TSHZ2: variants seen among roughly 807,000 people sequenced by gnomAD.
TSHZ2 encodes teashirt zinc finger homeobox 2.
TSHZ2 carries 21 observed loss-of-function variants against 74.4 expected under a neutral mutation model. That is an observed-to-expected ratio of 0.28 (90% CI 0.20 to 0.41). TSHZ2 has a LOEUF of 0.41. Among genes scored for constraint, TSHZ2 ranks in the 10% least tolerant of loss-of-function variants. The pLI, the probability that TSHZ2 is intolerant of heterozygous loss-of-function variation, is 1.00. For synonymous variants in TSHZ2, 540 were observed against 515.3 expected, an observed-to-expected ratio of 1.05 and a Z score of -0.65; for missense variants, 1,244 against 1,293.5, an observed-to-expected ratio of 0.96 and a Z score of 0.59.
chr20:53,462,458 C>A (rs775321977), intron 2 of TSHZ2, among the ~76,000 whole-genome samples: 2 of 152,170 alleles, frequency 1.3e-5, no homozygotes, highest in Admixed American at 6.5e-5. Flanking sequence ...CTGGCCTCCA[C>A]GCTGTTGGTC....
intron 1 of TSHZ2, among the ~76,000 whole-genome samples, chr20:53,009,215 G>A (rs1415319998): frequency 3.9e-5 from 6 of 152,068 alleles, no homozygotes; most frequent in Admixed American, 1.3e-4. Context: ...GCATGTGCCT[G>A]TGATCCCAGC....
chr20:53,182,268 C>A (rs912708826), intron 1 of TSHZ2, among the ~76,000 whole-genome samples: 1 of 151,494 alleles, frequency 6.6e-6, no homozygotes, highest in African/African-American at 2.4e-5. Flanking sequence ...TTCTCTCCTT[C>A]TTCCCTCCCT....
At chr20:53,379,846 C>G (rs1237937605) in intron 2 of TSHZ2, among the ~76,000 whole-genome samples, 2 of 152,174 alleles carry the variant, frequency 1.3e-5, no homozygotes, top group Non-Finnish European at 2.9e-5. Context: ...AACCCTCTTT[C>G]TTCCAAAGAC....
chr20:53,114,448 T>C (rs1986616337), intron 1 of TSHZ2, among the ~76,000 whole-genome samples: 1 of 152,026 alleles, frequency 6.6e-6, no homozygotes, highest in Non-Finnish European at 1.5e-5. Flanking sequence ...CGATATGTCA[T>C]GAAGAAGAAA....
At chr20:53,134,575 C>G (rs1335865460) in intron 1 of TSHZ2, among the ~76,000 whole-genome samples, 1 of 152,070 alleles carries the variant, frequency 6.6e-6, no homozygotes, top group East Asian at 1.9e-4. Flanking sequence ...CTGTGTCTTC[C>G]GAAGGAGATG....
intron 1 of TSHZ2, among the ~76,000 whole-genome samples, chr20:53,156,966 G>C (rs1381864338): frequency 6.6e-6 from 1 of 152,172 alleles, no homozygotes; most frequent in Non-Finnish European, 1.5e-5. Context: ...AAGGTGCAGA[G>C]CTTTATTAAG....
chr20:53,107,085 AG>A (rs1986398829), intron 1 of TSHZ2, among the ~76,000 whole-genome samples: 2 of 152,108 alleles, frequency 1.3e-5, no homozygotes, highest in South Asian at 4.2e-4. Context: ...AGTTCACTGT[AG>A]GGTCCTGGTG....
At chr20:53,323,170 G>A (rs1429973609) in intron 2 of TSHZ2, among the ~76,000 whole-genome samples, 1 of 152,190 alleles carries the variant, frequency 6.6e-6, no homozygotes, top group Non-Finnish European at 1.5e-5. Flanking sequence ...AGTGCTGTGA[G>A]TCCAGGTGTG....
chr20:53,218,783 G>A (rs1438252515), intron 1 of TSHZ2, among the ~76,000 whole-genome samples: 1 of 152,194 alleles, frequency 6.6e-6, no homozygotes, highest in East Asian at 1.9e-4. Flanking sequence ...AAATAAGAGA[G>A]AGCATCTTTC....
chr20:53,148,578 A>G (rs1987598291), intron 1 of TSHZ2, among the ~76,000 whole-genome samples: 1 of 152,184 alleles, frequency 6.6e-6, no homozygotes, highest in African/African-American at 2.4e-5. Context: ...CAGGACCCCA[A>G]GTGGATCTAA....
chr20:53,277,387 A>G (rs935355998), intron 2 of TSHZ2, among the ~76,000 whole-genome samples: 1 of 152,154 alleles, frequency 6.6e-6, no homozygotes, highest in Non-Finnish European at 1.5e-5. Context: ...TGAAGTTGCC[A>G]TCCTATTGTT....
At position 53,286,886 on chromosome 20, in the gene TSHZ2, TACACACACACACAC is replaced by T. The variant is rs71194467; in HGVS notation, c.*8+30342_*8+30355del. ...ACAGAGCAAGACCCTGTCTCAAAAA[TACACACACACACAC>T]ACACACACACACACACACACACACA... On this transcript the variant is annotated intron_variant, in intron 2 of 2. Transcript: ENST00000371497. 4.9e-4 allele frequency among the ~76,000 whole-genome samples: 69 copies of T among 139,534 alleles called. No homozygotes were observed. In the East Asian group the frequency reaches 9.9e-3, roughly 20 times the overall value. The allele number at this position is 139,534 out of a possible 152,430, so 91.5% of individuals were successfully genotyped here. A position where few individuals can be genotyped will look rare whatever the true frequency, so the allele number is the denominator to read the frequency against.
intron 2 of TSHZ2, among the ~76,000 whole-genome samples, chr20:53,305,563 C>A (rs1000893140): frequency 6.6e-6 from 1 of 152,212 alleles, no homozygotes; most frequent in African/African-American, 2.4e-5. Context: ...CTCTTCATTT[C>A]CTGCTCCAAT....
chr20:53,388,262 T>C (rs1982119446), intron 2 of TSHZ2, among the ~76,000 whole-genome samples: 1 of 152,198 alleles, frequency 6.6e-6, no homozygotes, highest in African/African-American at 2.4e-5. Flanking sequence ...ATTTTTAAAT[T>C]GTAGGTGGAG....
At chr20:53,207,043 C>T (rs1315005794) in intron 1 of TSHZ2, among the ~76,000 whole-genome samples, 1 of 152,210 alleles carries the variant, frequency 6.6e-6, no homozygotes, top group East Asian at 1.9e-4. Context: ...ACCTGCTCAA[C>T]CTGACAAATT....
intron 1 of TSHZ2, among the ~76,000 whole-genome samples, chr20:53,071,498 G>A (rs1985173511): frequency 6.6e-6 from 1 of 152,224 alleles, no homozygotes; most frequent in Admixed American, 6.5e-5. Context: ...AGTCAAAGCA[G>A]TCATTTTTCT....
intron 2 of TSHZ2, among the ~76,000 whole-genome samples, chr20:53,451,057 G>A (rs1054218572): frequency 4.6e-5 from 7 of 152,022 alleles, no homozygotes; most frequent in African/African-American, 1.7e-4. Flanking sequence ...TCTGAAAAAA[G>A]TTGACTGAAA....
chr20:53,473,660 T>C (rs1380711496), intron 2 of TSHZ2, among the ~76,000 whole-genome samples: 2 of 151,342 alleles, frequency 1.3e-5, no homozygotes, highest in African/African-American at 4.9e-5. Context: ...GGATGGAGAA[T>C]GACTTTGACG....
intron 1 of TSHZ2, among the ~76,000 whole-genome samples, chr20:52,984,123 G>A (rs1981665802): frequency 6.6e-6 from 1 of 152,214 alleles, no homozygotes; most frequent in African/African-American, 2.4e-5. Context: ...ATCCTGGAGA[G>A]CACGGGGGAG....
Sources: allele counts gnomAD v4.1 joint callset (sites outside exome capture counted in the v4.1 genomes callset), GRCh38; gene constraint gnomAD v4.1.1; transcripts MANE v1.5; gene names NCBI Gene and HGNC (gene_info 2026-07-23, HGNC 2026-07-21).